Variants in AFG1L observed in about 807,000 individuals in gnomAD.
AFG1L encodes AFG1 like ATPase.
A neutral mutation model predicts 62.2 loss-of-function variants in AFG1L; 53 were observed. That is an observed-to-expected ratio of 0.85 (90% CI 0.68 to 1.07). AFG1L has a LOEUF of 1.07. Ranked by LOEUF, AFG1L falls within the 50% of genes least tolerant of loss-of-function variation. AFG1L has a pLI of 0.00. For missense variants in AFG1L, 555 were observed against 590.5 expected (o/e 0.94, Z 0.62); for synonymous variants, 228 against 210.3 (o/e 1.08, Z -0.73).
chr6:108,326,687 CA>C (rs1778057247), intron 2 of AFG1L, among the ~76,000 whole-genome samples: 1 of 152,150 alleles, frequency 6.6e-6, no homozygotes, highest in Non-Finnish European at 1.5e-5. Context: ...GGGCCAGACG[CA>C]GTGGCTCACG....
intron 2 of AFG1L, among the ~76,000 whole-genome samples, chr6:108,333,868 TAGAA>T (rs1293495922): frequency 6.6e-6 from 1 of 152,188 alleles, no homozygotes; most frequent in Admixed American, 6.5e-5. Context: ...AATGTCAACA[TAGAA>T]AGATTTGATA....
chr6:108,424,336 T>C (rs1187613719), intron 7 of AFG1L, among the ~76,000 whole-genome samples: 1 of 152,092 alleles, frequency 6.6e-6, no homozygotes, highest in Non-Finnish European at 1.5e-5. Flanking sequence ...CTATGATAGA[T>C]TTCTCCCTCA....
At chr6:108,466,637 A>G (rs1306747716) in intron 8 of AFG1L, among the ~76,000 whole-genome samples, 1 of 151,952 alleles carries the variant, frequency 6.6e-6, no homozygotes, top group African/African-American at 2.4e-5. Context: ...GCCGTCTGCA[A>G]GCCAGAAAGA....
rs756099314 is a variant in AFG1L, at chr6:108,436,924, G to A, written c.808-10290G>A. On this transcript the variant is annotated intron_variant, in intron 7 of 12. Transcript: ENST00000368977. ...TACCAGTGTTTGCTATTACCATGGC[G>A]TCTTAGTCCAGGCTGAGAAATCTAA... 3.3e-5 allele frequency among the ~76,000 whole-genome samples: 5 copies of A among 152,164 alleles called. No individual in the cohort carries two copies. In the East Asian group the frequency reaches 5.8e-4, roughly 18 times the overall value.
At chr6:108,403,962 A>G (rs955110501) in intron 7 of AFG1L, among the ~76,000 whole-genome samples, 7 of 152,148 alleles carry the variant, frequency 4.6e-5, no homozygotes, top group African/African-American at 9.7e-5. Context: ...TGAACTTCCC[A>G]GGAAACTAAA....
intron 8 of AFG1L, among the ~76,000 whole-genome samples, chr6:108,454,334 A>C (rs1362916898): frequency 6.6e-6 from 1 of 152,234 alleles, no homozygotes; most frequent in Non-Finnish European, 1.5e-5. Context: ...TGCACAAAAC[A>C]GAAGATAATA....
At chr6:108,433,518 C>T (rs2114718452) in intron 7 of AFG1L, among the ~76,000 whole-genome samples, 1 of 152,040 alleles carries the variant, frequency 6.6e-6, no homozygotes. Context: ...AACTCCTGAC[C>T]TTAGGTAATC....
At chr6:108,452,854 C>G (rs1286489482) in intron 8 of AFG1L, among the ~76,000 whole-genome samples, 1 of 152,158 alleles carries the variant, frequency 6.6e-6, no homozygotes, top group African/African-American at 2.4e-5. Context: ...GAAAATAGCT[C>G]TGAGCTTGTG....
At chr6:108,509,731 T>C (rs1252241689) in intron 10 of AFG1L, among the ~76,000 whole-genome samples, 1 of 152,100 alleles carries the variant, frequency 6.6e-6, no homozygotes, top group African/African-American at 2.4e-5. Flanking sequence ...TAGCCTACTC[T>C]GAAAACACTG....
intron 7 of AFG1L, among the ~76,000 whole-genome samples, chr6:108,438,895 T>G (rs1340944906): frequency 6.6e-6 from 1 of 151,870 alleles, no homozygotes; most frequent in African/African-American, 2.4e-5. Context: ...TTTGATTTAC[T>G]TTGGTATATG....
chr6:108,334,312 T>C (rs57874330), intron 2 of AFG1L, among the ~76,000 whole-genome samples: 10,975 of 151,984 alleles, frequency 0.072, 1,359 homozygotes, highest in African/African-American at 0.25. Flanking sequence ...GCAGGGTTAA[T>C]TGATTTTTTT....
At chr6:108,493,323 C>T (rs1212552720) in intron 10 of AFG1L, among the ~76,000 whole-genome samples, 1 of 152,218 alleles carries the variant, frequency 6.6e-6, no homozygotes, top group Non-Finnish European at 1.5e-5. Flanking sequence ...GCTTCCAGAA[C>T]ATGGTGAGCC....
chr6:108,371,051 T>C (rs950860458), intron 6 of AFG1L, among the ~76,000 whole-genome samples: 10 of 152,288 alleles, frequency 6.6e-5, no homozygotes, highest in South Asian at 2.1e-4. Context: ...TTTCCTGCAC[T>C]TCACTGTTTT....
At chr6:108,444,509 C>T (rs1269903202) in intron 7 of AFG1L, among the ~76,000 whole-genome samples, 6 of 152,098 alleles carry the variant, frequency 3.9e-5, no homozygotes, top group African/African-American at 1.4e-4. Context: ...TATAGCCTTA[C>T]AAAATGTATT....
rs748170964 is a variant in AFG1L, at chr6:108,295,126, A to G, written c.47A>G (p.Gln16Arg). The G allele has an allele frequency of 3.0e-5, 48 of 1,611,414 alleles. 1 individual carries two copies. The Middle Eastern group carries it at 6.9e-3, about 233-fold the overall frequency. Residue 16 changes from glutamine (Q) to arginine (R), a missense_variant, in exon 1 of 13, where the codon CAG becomes CGG. Physicochemically the swap from Gln to Arg is conservative, Grantham distance 43. Transcript: ENST00000368977. ...SLLVTLRPLAQSPLRGRCVGC... is the reference protein window; with the variant it reads ...SLLVTLRPLARSPLRGRCVGC... ...TTGGTTACCCTGCGCCCCTTAGCAC[A>G]GAGCCCGCTGAGAGGGAGATGTGTT...
At chr6:108,492,477 A>G (rs1773812684) in intron 10 of AFG1L, among the ~76,000 whole-genome samples, 1 of 152,224 alleles carries the variant, frequency 6.6e-6, no homozygotes, top group Admixed American at 6.5e-5. Flanking sequence ...TCAGAAAGAG[A>G]ATACAAAAGT....
intron 7 of AFG1L, among the ~76,000 whole-genome samples, chr6:108,409,461 G>A (rs58237724): frequency 1.3e-3 from 205 of 152,144 alleles, no homozygotes; most frequent in African/African-American, 4.6e-3. Context: ...GAGCAGGAGC[G>A]GGGGGAGAGG....
chr6:108,493,461 G>C (rs1773846039), intron 10 of AFG1L, among the ~76,000 whole-genome samples: 1 of 152,158 alleles, frequency 6.6e-6, no homozygotes, highest in South Asian at 2.1e-4. Context: ...GCTGAATAAA[G>C]AAGCTAGGCA....
intron 7 of AFG1L, among the ~76,000 whole-genome samples, chr6:108,404,469 G>A (rs1312765178): frequency 6.6e-6 from 1 of 151,894 alleles, no homozygotes; most frequent in African/African-American, 2.4e-5. Flanking sequence ...GACAATTTTT[G>A]TAAATATTTT....
Sources: gnomAD v4.1 joint callset for allele counts (sites outside exome capture counted in the v4.1 genomes callset) on GRCh38, gnomAD v4.1.1 for gene constraint, MANE v1.5 for transcripts, NCBI Gene and HGNC (gene_info 2026-07-23, HGNC 2026-07-21) for gene names.